DPY19L1: variants seen among roughly 807,000 people sequenced by gnomAD.
DPY19L1 encodes the protein protein C-mannosyl-transferase DPY19L1.
A neutral mutation model predicts 96.9 loss-of-function variants in DPY19L1; 35 were observed. The ratio of observed to expected loss-of-function variants is 0.36; its 90% CI spans 0.28 to 0.48. The LOEUF (loss-of-function observed/expected upper bound fraction) is 0.48, where lower values mean the gene tolerates loss of function less well. Among genes scored for constraint, DPY19L1 ranks in the 20% least tolerant of loss-of-function variants. The probability of loss-of-function intolerance (pLI) is 0.99; values close to 1 mark genes in which losing one functional copy is unlikely to be tolerated. For missense variants in DPY19L1, 521 were observed against 777.9 expected, an observed-to-expected ratio of 0.67 and a Z score of 3.93; for synonymous variants, 205 against 252.6, an observed-to-expected ratio of 0.81 and a Z score of 1.79.
chr7:35,019,365 G>T (rs1233362243), intron 1 of DPY19L1, among the ~76,000 whole-genome samples: 8 of 152,188 alleles, frequency 5.3e-5, no homozygotes, highest in Admixed American at 4.6e-4. Context: ...CTCGAGCCCA[G>T]GAATTCAAGG....
Position 34,940,345 on chromosome 7 carries a change from A to C in DPY19L1, c.1690-18T>G. On this transcript the variant is annotated intron_variant, in intron 18 of 21. Transcript: ENST00000638088. ...CCAAATAGCTGAAACCAAATTAAGA[A>C]TACATTGGTAATTGTTAGTATAAGT... The C allele has an allele frequency of 6.3e-7, 1 of 1,599,272 alleles. No individual in the cohort carries two copies. Among genetic ancestry groups the C allele is most frequent in the Non-Finnish European group, 8.5e-7 (1 of 1,174,170 alleles).
At chr7:34,965,435 T>C (rs889901030) in intron 10 of DPY19L1, among the ~76,000 whole-genome samples, 16 of 152,158 alleles carry the variant, frequency 1.1e-4, no homozygotes, top group African/African-American at 3.4e-4. Flanking sequence ...AATAAAAATA[T>C]GTACTATTTA....
In DPY19L1 at chr7:34,945,662, TTTACC is replaced by T; in HGVS notation, c.1544_1544+4del. Reference sequence around the variant, plus strand: ...AGGTAATAAAATTCTTAATAGCATATTTACCTTACATGTGTCTGTTGTTTAGCTAA... The same window carrying T: ...AGGTAATAAAATTCTTAATAGCATATTTACATGTGTCTGTTGTTTAGCTAA... On this transcript the variant is annotated splice_donor_variant and splice_donor_region_variant and coding_sequence_variant and intron_variant, in exon 16 of 22. Coordinates refer to ENST00000638088, the MANE Select transcript of DPY19L1 (RefSeq NM_001366673.1). LOFTEE classifies it high-confidence loss of function. 1 of 1,584,896 alleles carries T rather than the reference TTTACC, an allele frequency of 6.3e-7. No individual in the cohort carries two copies. Among genetic ancestry groups the T allele is most frequent in the Non-Finnish European group, 8.6e-7 (1 of 1,160,572 alleles).
rs553934404 is a variant in DPY19L1, at chr7:34,946,215, G to C, written c.1495-499C>G. 9.4e-4 allele frequency among the ~76,000 whole-genome samples: 143 copies of C among 152,242 alleles called. 1 individual carries two copies. In the South Asian group the frequency reaches 9.5e-3, roughly 10 times the overall value. On this transcript the variant is annotated intron_variant, in intron 15 of 21. Transcript: ENST00000638088. Reference sequence around the variant, plus strand: ...TGAGGAGGTCATCTAATCTAAAATCGTATCTCCAGTACAAATATTCTCTAC... The same window carrying C: ...TGAGGAGGTCATCTAATCTAAAATCCTATCTCCAGTACAAATATTCTCTAC...
At chr7:34,934,718 C>A (rs907978835) in intron 21 of DPY19L1, among the ~76,000 whole-genome samples, 1 of 152,184 alleles carries the variant, frequency 6.6e-6, no homozygotes, top group Non-Finnish European at 1.5e-5. Flanking sequence ...CTAGATCCCC[C>A]GCATGTGCAG....
chr7:34,942,547 C>T, intron 17 of DPY19L1, 68 bp downstream of exon 17: 2 of 1,281,890 alleles, frequency 1.6e-6, no homozygotes, highest in East Asian at 2.3e-5. Context: ...GAAACTGGAA[C>T]TAGAAAGGAA....
intron 10 of DPY19L1, among the ~76,000 whole-genome samples, chr7:34,962,923 A>G (rs1784530423): frequency 6.6e-6 from 1 of 151,764 alleles, no homozygotes; most frequent in East Asian, 1.9e-4. Context: ...GGCTGGGTGC[A>G]GTGGCTCATG....
In DPY19L1 at chr7:34,978,168, T is replaced by C. The variant is rs114131194; in HGVS notation, c.823-4563A>G. On this transcript the variant is annotated intron_variant, in intron 7 of 21. Coordinates refer to ENST00000638088, the MANE Select transcript of DPY19L1 (RefSeq NM_001366673.1). Reference sequence around the variant, plus strand: ...AACTTCAAAATAAATAGAAGAACAATTGACTAGTGAGTTATAAATTGTGGT... The same window carrying C: ...AACTTCAAAATAAATAGAAGAACAACTGACTAGTGAGTTATAAATTGTGGT... Among the ~76,000 whole-genome samples, 312 of 152,252 alleles carry C rather than the reference T, an allele frequency of 2.0e-3. 5 individuals carry two copies. Among genetic ancestry groups the C allele is most frequent in the African/African-American group, 6.9e-3 (287 of 41,576 alleles).
At chr7:34,942,734 T>C (rs986085149) in intron 16 of DPY19L1, 95 bp from the exon 17 acceptor site, 2 of 981,232 alleles carry the variant, frequency 2.0e-6, no homozygotes, top group African/African-American at 3.3e-5. Flanking sequence ...GTTTTACAAC[T>C]TCTATAACAT....
chr7:34,933,139 T>A (rs572284340), intron 21 of DPY19L1, among the ~76,000 whole-genome samples: 98 of 148,284 alleles, frequency 6.6e-4, no homozygotes, highest in South Asian at 3.4e-3. Context: ...TGGACCTTTT[T>A]AAAAAAAAAA....
At chr7:34,934,751 T>C (rs1212969154) in intron 21 of DPY19L1, among the ~76,000 whole-genome samples, 1 of 152,194 alleles carries the variant, frequency 6.6e-6, no homozygotes, top group African/African-American at 2.4e-5. Flanking sequence ...TTCATACTCC[T>C]ATGAGAATCT....
intron 10 of DPY19L1, among the ~76,000 whole-genome samples, chr7:34,964,176 G>A (rs1320263379): frequency 2.6e-5 from 4 of 151,884 alleles, no homozygotes; most frequent in Non-Finnish European, 5.9e-5. Flanking sequence ...ATAACTATAA[G>A]AATTTAGGAA....
Position 35,010,099 on chromosome 7 carries a change from G to A in DPY19L1, c.764+369C>T, listed in dbSNP as rs115393431. Reference sequence around the variant, plus strand: ...AAAAAAATTAGCTGAGTTTGGTGGCGTGCACCTATAGTCCCAGCTACTCAG... The same window carrying A: ...AAAAAAATTAGCTGAGTTTGGTGGCATGCACCTATAGTCCCAGCTACTCAG... On this transcript the variant is annotated intron_variant, in intron 6 of 21. Transcript: ENST00000638088. Among the ~76,000 whole-genome samples the A allele has an allele frequency of 5.8e-3, 882 of 152,012 alleles. 11 individuals are homozygous for A. Among genetic ancestry groups the A allele is most frequent in the African/African-American group, 0.02 (823 of 41,458 alleles).
chr7:35,003,199 C>T (rs555178815), intron 6 of DPY19L1, among the ~76,000 whole-genome samples: 1 of 152,286 alleles, frequency 6.6e-6, no homozygotes, highest in Admixed American at 6.5e-5. Context: ...CTCTCAAGAC[C>T]TACCTACTAG....
intron 17 of DPY19L1, among the ~76,000 whole-genome samples, 166 bp downstream of exon 17, chr7:34,942,449 A>G (rs1784042041): frequency 6.6e-6 from 1 of 152,246 alleles, no homozygotes; most frequent in Non-Finnish European, 1.5e-5. Flanking sequence ...TAACAAATGA[A>G]TAGTCAGTGA....
chr7:34,958,439 C>G (rs561998071), intron 10 of DPY19L1, among the ~76,000 whole-genome samples: 1 of 152,342 alleles, frequency 6.6e-6, no homozygotes, highest in South Asian at 2.1e-4. Flanking sequence ...GTATTCTATT[C>G]TATAGATGTA....
intron 3 of DPY19L1, among the ~76,000 whole-genome samples, chr7:35,016,248 A>G (rs1785845455): frequency 1.3e-5 from 2 of 152,208 alleles, no homozygotes; most frequent in Non-Finnish European, 2.9e-5. Context: ...GATACTAGTG[A>G]GGTCACATCA....
At chr7:34,953,403 T>G (rs1784309459) in intron 13 of DPY19L1, among the ~76,000 whole-genome samples, 2 of 152,104 alleles carry the variant, frequency 1.3e-5, no homozygotes, top group South Asian at 4.1e-4. Context: ...CCCCAGTGAG[T>G]AAAACAGATT....
At chr7:35,007,588 G>C (rs895646281) in intron 6 of DPY19L1, among the ~76,000 whole-genome samples, 5 of 150,392 alleles carry the variant, frequency 3.3e-5, no homozygotes, top group Non-Finnish European at 5.9e-5. Flanking sequence ...ACACACGTGT[G>C]GTGTGTGTGT....
Sources: allele counts gnomAD v4.1 joint callset (sites outside exome capture counted in the v4.1 genomes callset), GRCh38; gene constraint gnomAD v4.1.1; transcripts MANE v1.5; gene names NCBI Gene and HGNC (gene_info 2026-07-23, HGNC 2026-07-21).